The following CPQ variants were observed in gnomAD, a reference collection of about 807,000 sequenced individuals.
CPQ encodes carboxypeptidase Q.
A neutral mutation model predicts 45.7 loss-of-function variants in CPQ; 37 were observed. The ratio of observed to expected loss-of-function variants is 0.81; its 90% CI spans 0.62 to 1.07. The LOEUF (loss-of-function observed/expected upper bound fraction) is 1.07, where lower values mean the gene tolerates loss of function less well. Among genes scored for constraint, CPQ ranks in the 50% least tolerant of loss-of-function variants. CPQ has a pLI of 0.00. For missense variants in CPQ, 537 were observed against 572.9 expected, an observed-to-expected ratio of 0.94 and a Z score of 0.64; for synonymous variants, 186 against 205.8, an observed-to-expected ratio of 0.90 and a Z score of 0.82.
intron 3 of CPQ, among the ~76,000 whole-genome samples, chr8:96,872,762 T>A (rs904285245): frequency 2.0e-5 from 3 of 151,934 alleles, no homozygotes; most frequent in Non-Finnish European, 4.4e-5. Flanking sequence ...AGGAAACTCA[T>A]ATATTTTGTG....
intron 3 of CPQ, among the ~76,000 whole-genome samples, chr8:96,850,892 C>T (rs1209259053): frequency 6.6e-6 from 1 of 152,220 alleles, no homozygotes; most frequent in African/African-American, 2.4e-5. Flanking sequence ...GCATGAGCCA[C>T]TGCACCTGGC....
chr8:96,987,506 A>G (rs1809007950), intron 5 of CPQ, among the ~76,000 whole-genome samples: 1 of 152,190 alleles, frequency 6.6e-6, no homozygotes. Flanking sequence ...TGCTCAGGGA[A>G]GCATAGATGG....
intron 5 of CPQ, among the ~76,000 whole-genome samples, chr8:96,994,997 G>A (rs941337656): frequency 6.6e-6 from 1 of 151,968 alleles, no homozygotes; most frequent in African/African-American, 2.4e-5. Flanking sequence ...CAATAGCTAT[G>A]AGGATGGAGC....
intron 6 of CPQ, among the ~76,000 whole-genome samples, chr8:97,033,610 G>C (rs1301123389): frequency 6.6e-6 from 1 of 151,386 alleles, no homozygotes; most frequent in Non-Finnish European, 1.5e-5. Context: ...AATGATAAAA[G>C]CTTGCATGCA....
chr8:97,050,013 G>A (rs1016408331), intron 6 of CPQ, among the ~76,000 whole-genome samples: 7 of 152,042 alleles, frequency 4.6e-5, no homozygotes, highest in Admixed American at 2.6e-4. Flanking sequence ...TAATATTTCT[G>A]TAAGCCATAT....
At chr8:97,092,671 C>A (rs1202731003) in intron 7 of CPQ, 1 of 152,050 alleles carries the variant, frequency 6.6e-6, no homozygotes, top group Non-Finnish European at 1.5e-5. Flanking sequence ...AAAAATCAAC[C>A]CAAGATTGAT....
intron 3 of CPQ, among the ~76,000 whole-genome samples, chr8:96,864,243 C>T (rs1458979937): frequency 6.6e-6 from 1 of 152,016 alleles, no homozygotes; most frequent in Non-Finnish European, 1.5e-5. Context: ...GACCTAGGCA[C>T]CTAGTATGTT....
intron 3 of CPQ, among the ~76,000 whole-genome samples, chr8:96,852,867 G>T (rs913539767): frequency 6.6e-6 from 1 of 152,162 alleles, no homozygotes; most frequent in Admixed American, 6.5e-5. Context: ...AAATGCAAAT[G>T]TATTTCTTCT....
At chr8:96,693,509 G>T (rs114195338) in intron 1 of CPQ, among the ~76,000 whole-genome samples, 3 of 152,240 alleles carry the variant, frequency 2.0e-5, no homozygotes, top group South Asian at 4.1e-4. Flanking sequence ...AATACATCTG[G>T]CAGCAGACTT....
chr8:97,093,929 C>T (rs1336985569), intron 7 of CPQ, among the ~76,000 whole-genome samples: 3 of 152,136 alleles, frequency 2.0e-5, no homozygotes, highest in Non-Finnish European at 2.9e-5. Context: ...ATCCTAAATT[C>T]ACTGAATTAG....
chr8:97,026,942 T>G (rs960277992), intron 5 of CPQ, among the ~76,000 whole-genome samples: 3 of 152,196 alleles, frequency 2.0e-5, no homozygotes, highest in Admixed American at 1.3e-4. Flanking sequence ...TGCTGCCTGT[T>G]TATTCTTATT....
At chr8:97,100,325 A>C in intron 7 of CPQ, among the ~76,000 whole-genome samples, 1 of 152,216 alleles carries the variant, frequency 6.6e-6, no homozygotes, top group East Asian at 1.9e-4. Flanking sequence ...GACTTTATGA[A>C]GACAGTGGAG....
rs768943731 is a variant in CPQ at position 96,785,174 on chromosome 8, CA to C, written c.281del (p.Asn94ThrfsTer15). On this transcript the variant is annotated frameshift_variant, in exon 2 of 8. Transcript: ENST00000220763. LOFTEE classifies it high-confidence loss of function. ...NLEKAIQIMYQNLQQDGLEKV... is the reference protein window; with the variant it reads ...NLEKAIQIMYXNLQQDGLEKV... ...AGAAAAAGCCATCCAAATTATGTAC[CA>C]AAACCTGCAGCAAGATGGGCTGGAG... 6 of 1,613,408 alleles carry C rather than the reference CA, an allele frequency of 3.7e-6. No homozygotes were observed. In the African/African-American group the frequency reaches 8.0e-5, roughly 22 times the overall value.
intron 5 of CPQ, among the ~76,000 whole-genome samples, chr8:96,979,481 G>T (rs751544105): frequency 8.6e-5 from 13 of 152,020 alleles, no homozygotes; most frequent in Non-Finnish European, 1.5e-4. Flanking sequence ...GAAGTGATGG[G>T]GTTTCCAGGG....
At chr8:97,123,002 T>TAAAATAAATAAA (rs1356753477) in intron 7 of CPQ, among the ~76,000 whole-genome samples, 8 of 15,222 alleles carry the variant, frequency 5.3e-4, no homozygotes, top group Non-Finnish European at 7.8e-4. Flanking sequence ...TAAAATAAAA[T>TAAAATAAATAAA]ATAAAATAAA....
chr8:96,696,876 A>G (rs113695755), intron 1 of CPQ, among the ~76,000 whole-genome samples: 3,685 of 152,266 alleles, frequency 0.024, 165 homozygotes, highest in African/African-American at 0.084. Context: ...CATAATGGAA[A>G]GTCTCCCAGC....
At chr8:96,739,920 G>T (rs1810057453) in intron 1 of CPQ, among the ~76,000 whole-genome samples, 2 of 152,208 alleles carry the variant, frequency 1.3e-5, no homozygotes, top group South Asian at 4.1e-4. Context: ...TGTTCTTTTG[G>T]CTCAGGATTG....
intron 3 of CPQ, among the ~76,000 whole-genome samples, chr8:96,878,841 GA>G (rs751589608): frequency 1.3e-5 from 2 of 152,148 alleles, no homozygotes; most frequent in Non-Finnish European, 2.9e-5. Context: ...ATAGAAATAT[GA>G]AAAGAAAATC....
chr8:96,684,829 G>C (rs1016028564), intron 1 of CPQ, among the ~76,000 whole-genome samples: 1 of 151,964 alleles, frequency 6.6e-6, no homozygotes, highest in African/African-American at 2.4e-5. Context: ...GGCCAGACTT[G>C]GTGGCTCACG....
Sources: gnomAD v4.1 joint callset for allele counts (sites outside exome capture counted in the v4.1 genomes callset) on GRCh38, gnomAD v4.1.1 for gene constraint, MANE v1.5 for transcripts, NCBI Gene and HGNC (gene_info 2026-07-23, HGNC 2026-07-21) for gene names.